Variants in NFAT5 observed in about 807,000 individuals in gnomAD.
NFAT5 encodes nuclear factor of activated T cells 5.
Under a neutral mutation model 166.5 loss-of-function variants are expected in NFAT5, and 31 were observed. That is an observed-to-expected ratio of 0.19 (90% CI 0.14 to 0.25). NFAT5 has a LOEUF of 0.25. Among genes scored for constraint, NFAT5 ranks in the 10% least tolerant of loss-of-function variants. The probability of loss-of-function intolerance (pLI) is 1.00; values close to 1 mark genes in which losing one functional copy is unlikely to be tolerated. For missense variants in NFAT5, 1,449 were observed against 1,821.8 expected (o/e 0.80, Z 3.72); for synonymous variants, 612 against 639.7 (o/e 0.96, Z 0.65).
chr16:69,656,230 G>A (rs1364068028), intron 6 of NFAT5, among the ~76,000 whole-genome samples: 1 of 146,860 alleles, frequency 6.8e-6, no homozygotes, highest in Admixed American at 6.9e-5. Context: ...GCAGTGAGCC[G>A]AGATTGTGCC....
intron 6 of NFAT5, 58 bp from the exon 7 acceptor site, chr16:69,659,669 G>T: frequency 7.4e-7 from 1 of 1,348,038 alleles, no homozygotes; most frequent in South Asian, 1.9e-5. Context: ...TGTTGATTAA[G>T]AACATTATAC....
intron 10 of NFAT5, among the ~76,000 whole-genome samples, chr16:69,680,075 G>A (rs370175512): frequency 5.3e-5 from 8 of 152,308 alleles, no homozygotes; most frequent in African/African-American, 1.7e-4. Flanking sequence ...CTGAGATTGC[G>A]CCAGTGTACT....
At chr16:69,587,394 CTT>C (rs2032145357) in intron 2 of NFAT5, among the ~76,000 whole-genome samples, 1 of 146,984 alleles carries the variant, frequency 6.8e-6, no homozygotes, top group Non-Finnish European at 1.5e-5. Flanking sequence ...TTCAATTTCT[CTT>C]CTTTTTTTTT....
Position 69,685,073 on chromosome 16 carries a change from G to A in NFAT5, c.1774+103G>A, listed in dbSNP as rs12598936. 3.6e-5 allele frequency: 20 copies of A among 562,180 alleles called. No homozygotes were observed. In the South Asian group the frequency reaches 6.3e-4, roughly 18 times the overall value. The allele number at this position is 562,180 out of a possible 1,614,324, so 34.8% of individuals were successfully genotyped here. ...TTCTCTTAGGTACTTATAATACTTT[G>A]CAGGGTATCTTCATATTGTAAAATA... is the stretch of plus-strand genomic sequence containing the variant. On this transcript the variant is annotated intron_variant, in intron 11 of 14. Coordinates refer to ENST00000349945, the MANE Select transcript of NFAT5 (RefSeq NM_138713.4).
rs2016036800 is a variant in NFAT5 at position 69,566,402 on chromosome 16, T to TG, written c.73+33dup. On this transcript the variant is annotated intron_variant, in intron 1 of 14. Coordinates refer to ENST00000349945, the MANE Select transcript of NFAT5 (RefSeq NM_138713.4). The surrounding 1 kb of genome is among the most constrained non-coding windows in gnomAD (Gnocchi z 5.7). The stretch of plus-strand genomic sequence containing the variant: ...GAGTCAGGCTGTGGGGGGTGGGGCG[T>TG]GGGGGCGGGGAGACAGGGAGACAGG... The TG allele has an allele frequency of 4.2e-6, 2 of 479,054 alleles. No homozygotes were observed. Among genetic ancestry groups the TG allele is most frequent in the Non-Finnish European group, 7.7e-6 (2 of 260,422 alleles). 29.7% of individuals were successfully genotyped at this position (479,054 alleles called of 1,614,324 possible).
intron 10 of NFAT5, among the ~76,000 whole-genome samples, chr16:69,677,942 C>G (rs889199549): frequency 1.8e-4 from 28 of 151,864 alleles, no homozygotes; most frequent in Admixed American, 1.7e-3. Flanking sequence ...CACCTGAGGT[C>G]AGGGGTTTGA....
In NFAT5 at chr16:69,704,361, T is replaced by G. The variant is rs544561893; in HGVS notation, c.*8010T>G. 1.3e-5 allele frequency: 2 copies of G among 152,766 alleles called. No homozygotes were observed. Among genetic ancestry groups the G allele is most frequent in the Non-Finnish European group, 2.9e-5 (2 of 68,030 alleles). 9.5% of individuals were successfully genotyped at this position (152,766 alleles called of 1,614,324 possible). On this transcript the variant is annotated 3_prime_UTR_variant, in exon 15 of 15. Transcript: ENST00000349945. ...TGCCATTTTTAATTTTTATTTAATT[T>G]TATTTGCTTGAGCACACTGATCAAC...
intron 2 of NFAT5, among the ~76,000 whole-genome samples, chr16:69,603,713 C>G (rs2033259811): frequency 6.6e-6 from 1 of 152,168 alleles, no homozygotes; most frequent in Admixed American, 6.5e-5. Context: ...GATTACACCA[C>G]TGCACTCTAG....
intron 2 of NFAT5, among the ~76,000 whole-genome samples, chr16:69,587,893 AATAAATTATTTTAGGT>A (rs1441516617): frequency 6.6e-6 from 1 of 151,666 alleles, no homozygotes; most frequent in African/African-American, 2.4e-5. Flanking sequence ...AGATTTTATG[AATAAATTATTTTAGGT>A]ATAAATTAGG....
chr16:69,666,616 A>C (rs894264847), intron 7 of NFAT5, among the ~76,000 whole-genome samples: 3 of 152,196 alleles, frequency 2.0e-5, no homozygotes, highest in Non-Finnish European at 4.4e-5. Context: ...TCAAAACCAC[A>C]ATGAGATACC....
intron 3 of NFAT5, among the ~76,000 whole-genome samples, chr16:69,642,720 G>A (rs1484572634): frequency 6.6e-6 from 1 of 151,924 alleles, no homozygotes. Flanking sequence ...GGGAGGCTAA[G>A]GCAGGAGAAT....
chr16:69,641,277 CAAAAAAAA>C lies in NFAT5; in HGVS notation c.254-5735_254-5728del, dbSNP rs60281310. 5.0e-3 allele frequency among the ~76,000 whole-genome samples: 361 copies of C among 72,910 alleles called. 3 individuals are homozygous for C. The highest frequency in any genetic ancestry group is 0.024 in the Middle Eastern group (3 of 124). 47.8% of individuals were successfully genotyped at this position (72,910 alleles called of 152,430 possible). On this transcript the variant is annotated intron_variant, in intron 3 of 14. Coordinates refer to ENST00000349945, the MANE Select transcript of NFAT5 (RefSeq NM_138713.4). ...TGGGCAACAGAGTGAGACTCCGTCTCAAAAAAAAAAAAAAAAAAAAAAAGGAAATTGTT... is the reference window on the plus strand; with the variant it reads ...TGGGCAACAGAGTGAGACTCCGTCTCAAAAAAAAAAAAAAAGGAAATTGTT...
chr16:69,679,406 A>G (rs1184430642), intron 10 of NFAT5, among the ~76,000 whole-genome samples: 1 of 151,728 alleles, frequency 6.6e-6, no homozygotes, highest in Non-Finnish European at 1.5e-5. Context: ...ACTTAAGGCC[A>G]GGAATTCAAA....
chr16:69,577,173 G>C (rs2016807573), intron 2 of NFAT5, among the ~76,000 whole-genome samples: 1 of 151,924 alleles, frequency 6.6e-6, no homozygotes, highest in South Asian at 2.1e-4. Context: ...TTGTTGTTCT[G>C]CTATGGCATC....
intron 2 of NFAT5, among the ~76,000 whole-genome samples, chr16:69,601,452 C>T (rs2033128349): frequency 1.3e-5 from 2 of 152,172 alleles, no homozygotes; most frequent in South Asian, 2.1e-4. Context: ...ACTGTAGCCT[C>T]GACCTCCTGG....
chr16:69,685,793 C>G (rs1270262451), intron 11 of NFAT5: 2 of 145,396 alleles, frequency 1.4e-5, no homozygotes, highest in African/African-American at 5.1e-5. Context: ...CGCCTGTAAT[C>G]CCAGCACTTT....
intron 2 of NFAT5, among the ~76,000 whole-genome samples, chr16:69,600,262 T>G (rs2033055980): frequency 6.6e-6 from 1 of 151,996 alleles, no homozygotes; most frequent in African/African-American, 2.4e-5. Flanking sequence ...TATTCAATTG[T>G]GTCAGAAATT....
Position 69,639,608 on chromosome 16 carries a change from G to A in NFAT5, c.254-7420G>A, listed in dbSNP as rs891569247. Among the ~76,000 whole-genome samples the A allele has an allele frequency of 6.5e-4, 99 of 152,040 alleles. 1 individual carries two copies. The highest frequency in any genetic ancestry group is 1.0e-4 in the Non-Finnish European group (7 of 68,018). ...TCTAGGATCAAACATATTATACAAA[G>A]TAGCATGTATCATTAAAAGTATAAA... On this transcript the variant is annotated intron_variant, in intron 3 of 14. Coordinates refer to ENST00000349945, the MANE Select transcript of NFAT5 (RefSeq NM_138713.4).
intron 2 of NFAT5, among the ~76,000 whole-genome samples, chr16:69,622,510 A>G (rs769034133): frequency 2.6e-5 from 4 of 152,166 alleles, no homozygotes; most frequent in African/African-American, 7.2e-5. Flanking sequence ...GTGGAATATA[A>G]CAAGTTCTGC....
Sources: allele counts gnomAD v4.1 joint callset (sites outside exome capture counted in the v4.1 genomes callset), GRCh38; gene constraint gnomAD v4.1.1; non-coding constraint Gnocchi (gnomAD v3.1); transcripts MANE v1.5; gene names NCBI Gene and HGNC (gene_info 2026-07-23, HGNC 2026-07-21).